Variants in AGPAT5 observed in about 807,000 individuals in gnomAD.
The protein encoded by AGPAT5 is 1-acylglycerol-3-phosphate O-acyltransferase 5, also known as 1-acyl-sn-glycerol-3-phosphate acyltransferase epsilon.
Under a neutral mutation model 45.6 loss-of-function variants are expected in AGPAT5, and 46 were observed. The ratio of observed to expected loss-of-function variants is 1.01; its 90% CI spans 0.80 to 1.29. The LOEUF (loss-of-function observed/expected upper bound fraction) is 1.29, where lower values mean the gene tolerates loss of function less well. Among genes scored for constraint, AGPAT5 ranks in the 50% most tolerant of loss-of-function variants. AGPAT5 has a pLI of 0.00. For synonymous variants in AGPAT5, 272 were observed against 167.0 expected (o/e 1.63, Z -4.85); for missense variants, 673 against 450.7 (o/e 1.49, Z -4.47).
intron 3 of AGPAT5, among the ~76,000 whole-genome samples, chr8:6,731,903 T>C (rs1202736925): frequency 6.6e-6 from 1 of 152,220 alleles, no homozygotes; most frequent in African/African-American, 2.4e-5. Flanking sequence ...GGTGGTTTTT[T>C]TCCCTGTGCC....
At chr8:6,754,329 A>G (rs923293680) in intron 6 of AGPAT5, among the ~76,000 whole-genome samples, 2 of 152,220 alleles carry the variant, frequency 1.3e-5, no homozygotes, top group African/African-American at 4.8e-5. Context: ...TTCCACAGTA[A>G]TAATTTTGGT....
In AGPAT5 at chr8:6,716,828, C is replaced by T. The variant is rs181027781; in HGVS notation, c.219+7941C>T. Among the ~76,000 whole-genome samples the T allele has an allele frequency of 2.6e-3, 396 of 151,474 alleles. 2 individuals carry two copies. The highest frequency in any genetic ancestry group is 8.1e-3 in the African/African-American group (332 of 40,844). On this transcript the variant is annotated intron_variant, in intron 1 of 7. Transcript: ENST00000285518. ...AGACTGGGCAACAAGAGCGAAATTC[C>T]GTCTCAAAACAAACAAACAAACAAA...
intron 4 of AGPAT5, among the ~76,000 whole-genome samples, chr8:6,740,849 GT>G (rs1419385188): frequency 6.6e-6 from 1 of 152,002 alleles, no homozygotes; most frequent in Non-Finnish European, 1.5e-5. Context: ...CTCCTGTCTT[GT>G]TTCCTGTATT....
At chr8:6,732,042 C>T (rs931066947) in intron 3 of AGPAT5, among the ~76,000 whole-genome samples, 1 of 152,152 alleles carries the variant, frequency 6.6e-6, no homozygotes, top group Non-Finnish European at 1.5e-5. Flanking sequence ...CTCTAAGTCC[C>T]TCTCTCTGAA....
At chr8:6,739,688 TCA>T (rs1296203470) in intron 4 of AGPAT5, among the ~76,000 whole-genome samples, 22 of 152,140 alleles carry the variant, frequency 1.4e-4, no homozygotes, top group African/African-American at 5.1e-4. Context: ...AACAATCATG[TCA>T]TTGTTATAGA....
intron 6 of AGPAT5, among the ~76,000 whole-genome samples, chr8:6,750,075 C>T (rs967862063): frequency 6.6e-6 from 1 of 152,240 alleles, no homozygotes; most frequent in South Asian, 2.1e-4. Context: ...AAACCACCCT[C>T]TCTTTTGTTG....
At chr8:6,709,329 C>T (rs1002088325) in intron 1 of AGPAT5, among the ~76,000 whole-genome samples, 10 of 152,306 alleles carry the variant, frequency 6.6e-5, no homozygotes, top group African/African-American at 2.4e-4. Context: ...TGTGTTCTTT[C>T]CCCTGGACAA....
At chr8:6,746,958 G>A (rs960457551) in intron 5 of AGPAT5, among the ~76,000 whole-genome samples, 1 of 152,216 alleles carries the variant, frequency 6.6e-6, no homozygotes, top group Admixed American at 6.5e-5. Context: ...GATAATTGCA[G>A]TAGTCCCCCA....
intron 7 of AGPAT5, among the ~76,000 whole-genome samples, 162 bp downstream of exon 7, chr8:6,755,336 T>G (rs1479247834): frequency 6.6e-6 from 1 of 152,280 alleles, no homozygotes; most frequent in Non-Finnish European, 1.5e-5. Flanking sequence ...AAACTTTACT[T>G]GTACAAATCA....
In AGPAT5 at chr8:6,708,809, C is replaced by T; in HGVS notation, c.141C>T (p.Tyr47=). The stretch of plus-strand genomic sequence containing the variant: ...CCGCCTTCCTGCCCGCCCGCTTCTA[C>T]CAAGCGCTGGACGACCGGCTCTACT... ...LLSAFLPARF[Y]QALDDRLYCV... Residue 47 remains tyrosine (Y), a synonymous_variant, in exon 1 of 8, where the codon TAC becomes TAT. Transcript: ENST00000285518. 6.2e-7 allele frequency: 1 copy of T among 1,611,324 alleles called. No individual in the cohort carries two copies. The highest frequency in any genetic ancestry group is 2.2e-5 in the East Asian group (1 of 44,846).
At chr8:6,720,894 A>C (rs193272240) in intron 1 of AGPAT5, among the ~76,000 whole-genome samples, 1 of 152,172 alleles carries the variant, frequency 6.6e-6, no homozygotes, top group Non-Finnish European at 1.5e-5. Flanking sequence ...CAGTTTATTC[A>C]CTAGACATGG....
chr8:6,718,872 C>T (rs555254260), intron 1 of AGPAT5, among the ~76,000 whole-genome samples: 5 of 152,266 alleles, frequency 3.3e-5, no homozygotes, highest in African/African-American at 1.2e-4. Flanking sequence ...GGCTTATGTC[C>T]TTGAGAAGCA....
chr8:6,750,871 A>T (rs1801634910), intron 6 of AGPAT5, among the ~76,000 whole-genome samples: 1 of 152,214 alleles, frequency 6.6e-6, no homozygotes, highest in Admixed American at 6.5e-5. Context: ...TTGCTTTGGA[A>T]ATGTCTCTCA....
At chr8:6,722,404 T>G (rs1211212750) in intron 1 of AGPAT5, among the ~76,000 whole-genome samples, 2 of 152,226 alleles carry the variant, frequency 1.3e-5, no homozygotes, top group African/African-American at 4.8e-5. Context: ...AAAAGTTTTT[T>G]TTAAAAAATC....
At chr8:6,710,242 A>G (rs1221017601) in intron 1 of AGPAT5, among the ~76,000 whole-genome samples, 1 of 152,226 alleles carries the variant, frequency 6.6e-6, no homozygotes, top group Non-Finnish European at 1.5e-5. Context: ...TTATTTTTTT[A>G]AATGGCTGTA....
At chr8:6,711,823 C>T (rs1006294410) in intron 1 of AGPAT5, among the ~76,000 whole-genome samples, 12 of 152,176 alleles carry the variant, frequency 7.9e-5, no homozygotes, top group African/African-American at 2.9e-4. Context: ...CCTTACAGTC[C>T]TTGCTGCCAC....
intron 4 of AGPAT5, among the ~76,000 whole-genome samples, chr8:6,736,408 T>C (rs1563295847): frequency 1.3e-5 from 2 of 152,320 alleles, no homozygotes; most frequent in East Asian, 3.9e-4. Context: ...GTCAAATCTG[T>C]TATTTTGGTT....
intron 2 of AGPAT5, among the ~76,000 whole-genome samples, chr8:6,730,382 T>C (rs1313906886): frequency 1.0e-4 from 1 of 9,764 alleles, no homozygotes; most frequent in Non-Finnish European, 1.4e-4. Context: ...CAGGCTGGAG[T>C]GCAGTGGCGC....
chr8:6,738,875 A>G (rs1436299668), intron 4 of AGPAT5, among the ~76,000 whole-genome samples: 1 of 151,726 alleles, frequency 6.6e-6, no homozygotes, highest in Non-Finnish European at 1.5e-5. Context: ...TTTGTATCCT[A>G]TTTAAGAAGT....
Sources: allele counts gnomAD v4.1 joint callset (sites outside exome capture counted in the v4.1 genomes callset), GRCh38; gene constraint gnomAD v4.1.1; transcripts MANE v1.5; gene names NCBI Gene and HGNC (gene_info 2026-07-23, HGNC 2026-07-21).